The following CCNF variants were observed in gnomAD, a reference collection of about 807,000 sequenced individuals.
CCNF encodes cyclin-F.
A neutral mutation model predicts 85.4 loss-of-function variants in CCNF; 30 were observed. That is an observed-to-expected ratio of 0.35 (90% CI 0.26 to 0.48). CCNF has a LOEUF of 0.48. Among genes scored for constraint, CCNF ranks in the 20% least tolerant of loss-of-function variants. The probability of loss-of-function intolerance (pLI) is 0.99; values close to 1 mark genes in which losing one functional copy is unlikely to be tolerated. For synonymous variants in CCNF, 439 were observed against 425.1 expected (o/e 1.03, Z -0.40); for missense variants, 919 against 1,010.4 (o/e 0.91, Z 1.23).
At chr16:2,435,666 CATATAT>C (rs71148135) in intron 3 of CCNF, 134 bp from the exon 4 acceptor site, 536 of 42,658 alleles carry the variant, frequency 0.013, 11 homozygotes, top group Non-Finnish European at 0.016. Flanking sequence ...CACACACACA[CATATAT>C]ATATATATAT....
Position 2,453,960 on chromosome 16 carries a change from G to A in CCNF, c.1715+423G>A, listed in dbSNP as rs553253334. Among the ~76,000 whole-genome samples, 7 of 152,246 alleles carry A rather than the reference G, an allele frequency of 4.6e-5. No individual in the cohort carries two copies. Among genetic ancestry groups the A allele is most frequent in the Non-Finnish European group, 1.0e-4 (7 of 68,000 alleles). On this transcript the variant is annotated intron_variant, in intron 15 of 16. Coordinates refer to ENST00000397066, the MANE Select transcript of CCNF (RefSeq NM_001761.3). This position sits in a 1 kb window ranked among gnomAD's most constrained non-coding sequence, Gnocchi z 5.6. ...GCCACCCGTGTGGACCTGTTTACCC[G>A]CCTCTCCTATCTCAGCACCTTGGCT... is the stretch of plus-strand genomic sequence containing the variant.
At chr16:2,445,834 T>C (rs1328843039) in intron 10 of CCNF, among the ~76,000 whole-genome samples, 1 of 151,886 alleles carries the variant, frequency 6.6e-6, no homozygotes, top group East Asian at 1.9e-4. Flanking sequence ...TTCAAGTGAT[T>C]CTTCTGCCTC....
rs538024859 is a variant in CCNF at position 2,450,460 on chromosome 16, G to A, written c.1487+545G>A. 3.8e-4 allele frequency among the ~76,000 whole-genome samples: 57 copies of A among 150,952 alleles called. 1 individual carries two copies. Among genetic ancestry groups the A allele is most frequent in the African/African-American group, 1.0e-3 (42 of 41,058 alleles). The stretch of plus-strand genomic sequence containing the variant: ...CGGGAGGCAGAGGTTGCGGTGAGCC[G>A]AGATTGCGCCATTGCACTCCAGCCC... On this transcript the variant is annotated intron_variant, in intron 13 of 16. Transcript: ENST00000397066.
In CCNF at chr16:2,445,525, C is replaced by G. The variant is rs2065356956; in HGVS notation, c.997C>G (p.Leu333Val). The G allele has an allele frequency of 6.2e-7, 1 of 1,614,178 alleles. No homozygotes were observed. Among genetic ancestry groups the G allele is most frequent in the Non-Finnish European group, 8.5e-7 (1 of 1,180,030 alleles). The change falls in exon 10 of 17, where the codon CTG (leucine) becomes GTG (valine). Residue 333 changes from leucine (L) to valine (V), a missense_variant. Leu to Val is a conservative substitution (Grantham distance 32, BLOSUM62 1). Coordinates refer to ENST00000397066, the MANE Select transcript of CCNF (RefSeq NM_001761.3). The part of the protein sequence containing the change: ...MKDFTSLCLH[L>V]TVECVDRYLR... ...GGACTTCACAAGCCTGTGCCTGCACCTGACCGTGGAGTGTGTGGACCGGTA... is the reference window on the plus strand; with the variant it reads ...GGACTTCACAAGCCTGTGCCTGCACGTGACCGTGGAGTGTGTGGACCGGTA...
Position 2,458,701 on chromosome 16 carries a change from G to C in CCNF, c.*1681G>C, listed in dbSNP as rs955090460. On this transcript the variant is annotated 3_prime_UTR_variant, in exon 17 of 17. Transcript: ENST00000397066. The stretch of plus-strand genomic sequence containing the variant: ...TGGCCACCCTGGGTGGGGTGTGGTC[G>C]GGGTGAGAACCCAAGCGTTGGAACT... The C allele has an allele frequency of 6.6e-6, 1 of 152,396 alleles. No homozygotes were observed. Among genetic ancestry groups the C allele is most frequent in the South Asian group, 2.1e-4 (1 of 4,826 alleles). The allele number at this position is 152,396 out of a possible 1,614,324, so 9.4% of individuals were successfully genotyped here.
At chr16:2,439,260 T>G (rs2065308240) in intron 6 of CCNF, 93 bp from the exon 7 acceptor site, 2 of 1,065,810 alleles carry the variant, frequency 1.9e-6, no homozygotes, top group Non-Finnish European at 2.7e-6. Flanking sequence ...ATGGCGCCAT[T>G]GCACTCCAAC....
At chr16:2,446,184 A>C (rs1596925149) in intron 10 of CCNF, among the ~76,000 whole-genome samples, 1 of 151,962 alleles carries the variant, frequency 6.6e-6, no homozygotes. Context: ...TCATCCTGGC[A>C]TGCAGTCTCA....
In CCNF at chr16:2,456,631, G is replaced by C. The variant is rs1289185780; in HGVS notation, c.1972G>C (p.Ala658Pro). 1 of 1,611,418 alleles carries C rather than the reference G, an allele frequency of 6.2e-7. No homozygotes were observed. The highest frequency in any genetic ancestry group is 8.5e-7 in the Non-Finnish European group (1 of 1,179,028). The change falls in exon 17 of 17, where the codon GCT becomes CCT. Residue 658 changes from alanine (A) to proline (P), a missense_variant. By Grantham distance (27) the Ala-to-Pro change is conservative. This residue lies in a region of CCNF where 505 missense variants were observed against 514.8 expected (regional missense o/e 0.98). Transcript: ENST00000397066. This position sits in a 1 kb window ranked among gnomAD's most constrained non-coding sequence, Gnocchi z 4.5. ...HCCQESSDEE[A>P]CPEDKGPQDP... ...CTGCCAGGAATCCAGTGATGAGGAGGCTTGTCCAGAGGACAAGGGACCCCA... is the reference window on the plus strand; with the variant it reads ...CTGCCAGGAATCCAGTGATGAGGAGCCTTGTCCAGAGGACAAGGGACCCCA...
At chr16:2,437,922 A>AAT in intron 5 of CCNF, 148 bp from the exon 6 acceptor site, 2 of 570,654 alleles carry the variant, frequency 3.5e-6, no homozygotes, top group East Asian at 2.9e-5. Context: ...AAAAAAAAAA[A>AAT]GACTGAAATC....
Position 2,456,021 on chromosome 16 carries a change from C to T in CCNF, c.1885+457C>T, listed in dbSNP as rs1273845125. The stretch of plus-strand genomic sequence containing the variant: ...ACAAAAAATTTAAAAATTAGCTGGG[C>T]ATCGTGGCGTGCGCCTGTGGTCCCA... On this transcript the variant is annotated intron_variant, in intron 16 of 16. Coordinates refer to ENST00000397066, the MANE Select transcript of CCNF (RefSeq NM_001761.3). The surrounding 1 kb of genome is among the most constrained non-coding windows in gnomAD (Gnocchi z 4.5). Among the ~76,000 whole-genome samples, 1 of 152,172 alleles carries T rather than the reference C, an allele frequency of 6.6e-6. No individual in the cohort carries two copies. Among genetic ancestry groups the T allele is most frequent in the African/African-American group, 2.4e-5 (1 of 41,434 alleles).
In CCNF at chr16:2,453,885, A is replaced by C. The variant is rs2065409590; in HGVS notation, c.1715+348A>C. ...TTCTCTGCTCCATGATGCTGCTGTC[A>C]CTCCCGGCACTCGAGCTGTGACCTG... On this transcript the variant is annotated intron_variant, in intron 15 of 16. Transcript: ENST00000397066. This position sits in a 1 kb window ranked among gnomAD's most constrained non-coding sequence, Gnocchi z 5.6. 6.6e-6 allele frequency among the ~76,000 whole-genome samples: 1 copy of C among 151,126 alleles called. No homozygotes were observed. Among genetic ancestry groups the C allele is most frequent in the African/African-American group, 2.4e-5 (1 of 41,004 alleles).
rs36008785 is a variant in CCNF at position 2,448,948 on chromosome 16, G to T, written c.1188G>T (p.Glu396Asp). 1,061 of 1,614,128 alleles carry T rather than the reference G, an allele frequency of 6.6e-4. 4 individuals carry two copies. In the Middle Eastern group the frequency reaches 0.014, roughly 21 times the overall value. ...AGGACCTGGTGAGAATGATGGGCGAGATCGTCTCCGCCTTGGAAGGGAAGA... is the reference window on the plus strand; with the variant it reads ...AGGACCTGGTGAGAATGATGGGCGATATCGTCTCCGCCTTGGAAGGGAAGA... ...KYEDLVRMMG[E>D]IVSALEGKIR... Residue 396 changes from glutamate to aspartate, a missense_variant, in exon 11 of 17, where the codon GAG becomes GAT. Physicochemically the swap from Glu to Asp is conservative, Grantham distance 45. Around this residue, in one of 3 missense-constraint regions of CCNF, gnomAD observed 505 missense variants for 514.8 expected, o/e 0.98. Transcript: ENST00000397066.
chr16:2,436,212 C>T (rs2065290404), intron 4 of CCNF: 2 of 220,976 alleles, frequency 9.1e-6, no homozygotes, highest in Non-Finnish European at 1.8e-5. Context: ...TGGATGCTGG[C>T]CCTCTCCTTG....
Position 2,453,258 on chromosome 16 carries a change from C to G in CCNF, c.1536C>G (p.Ala512=). 1.2e-6 allele frequency: 2 copies of G among 1,613,922 alleles called. No homozygotes were observed. Among genetic ancestry groups the G allele is most frequent in the Non-Finnish European group, 1.7e-6 (2 of 1,180,018 alleles). Residue 512 remains alanine, a synonymous_variant, in exon 14 of 17, where the codon GCC becomes GCG. Coordinates refer to ENST00000397066, the MANE Select transcript of CCNF (RefSeq NM_001761.3). This position sits in a 1 kb window ranked among gnomAD's most constrained non-coding sequence, Gnocchi z 5.6. ...PKDYRQVSLT[A]VKQRFEDKRY... ...ACTACAGGCAAGTCTCTCTGACCGC[C>G]GTGAAGCAGCGGTTTGAGGACAAGC...
At position 2,453,661 on chromosome 16, in the gene CCNF, G is replaced by GGTC; in HGVS notation, c.1715+124_1715+125insGTC. 2 of 1,293,150 alleles carry GGTC rather than the reference G, an allele frequency of 1.5e-6. No homozygotes were observed. The highest frequency in any genetic ancestry group is 2.2e-6 in the Non-Finnish European group (2 of 923,078). The allele number at this position is 1,293,150 out of a possible 1,614,324, so 80.1% of individuals were successfully genotyped here. A position where few individuals can be genotyped will look rare whatever the true frequency, so the allele number is the denominator to read the frequency against. On this transcript the variant is annotated intron_variant, in intron 15 of 16. Transcript: ENST00000397066. The surrounding 1 kb of genome is among the most constrained non-coding windows in gnomAD (Gnocchi z 5.6). ...TTGTCAGGGGAGCAGCAGATCCCAG[G>GGTC]ACAGTGACCCTGGGACGGAGCCCTG...
intron 8 of CCNF, among the ~76,000 whole-genome samples, chr16:2,441,488 C>T (rs1232097941): frequency 1.3e-5 from 2 of 151,048 alleles, no homozygotes; most frequent in African/African-American, 2.4e-5. Context: ...GAAATAGGGC[C>T]GGGCGCAGTG....
At position 2,443,681 on chromosome 16, in the gene CCNF, C is replaced by A. The variant is rs764227871; in HGVS notation, c.810C>A (p.Asn270Lys). The stretch of plus-strand genomic sequence containing the variant: ...TAGCCAAAGCCTGTGCAAATGCAAA[C>A]CAGCTTGGACTGGAGGTGAGAGCTT... ...LSLAKACANANQLGLEVRASS... is the reference protein window; with the variant it reads ...LSLAKACANAKQLGLEVRASS... Residue 270 changes from asparagine (N) to lysine (K), a missense_variant, in exon 9 of 17, where the codon AAC becomes AAA. By Grantham distance (94) the Asn-to-Lys change is moderately conservative. Around this residue, in one of 3 missense-constraint regions of CCNF, gnomAD observed 410 missense variants for 478.6 expected, o/e 0.86. Transcript: ENST00000397066. The A allele has an allele frequency of 6.2e-7, 1 of 1,614,138 alleles. No individual in the cohort carries two copies. Among genetic ancestry groups the A allele is most frequent in the Non-Finnish European group, 8.5e-7 (1 of 1,179,996 alleles).
At chr16:2,442,382 TTA>T (rs1344039344) in intron 8 of CCNF, among the ~76,000 whole-genome samples, 1 of 112,674 alleles carries the variant, frequency 8.9e-6, no homozygotes, top group Non-Finnish European at 1.7e-5. Context: ...ATAATTATAT[TTA>T]GTCTGCCAGC....
At position 2,445,575 on chromosome 16, in the gene CCNF, G is replaced by A. The variant is rs144631476; in HGVS notation, c.1047G>A (p.Arg349=). 3.1e-6 allele frequency: 5 copies of A among 1,613,820 alleles called. No homozygotes were observed. Among genetic ancestry groups the A allele is most frequent in the Non-Finnish European group, 3.4e-6 (4 of 1,180,018 alleles). ...DRYLRRRLVP[R]YRLQLLGIAC... ...ACCTGCGGAGGAGGCTGGTGCCGCG[G>A]TACAGGCTCCAGCTGCTGGGCATCG... The change falls in exon 10 of 17, where the codon CGG becomes CGA. Residue 349 remains arginine, a synonymous_variant. Transcript: ENST00000397066.
Sources: allele counts gnomAD v4.1 joint callset (sites outside exome capture counted in the v4.1 genomes callset), GRCh38; gene constraint gnomAD v4.1.1; regional missense constraint gnomAD v4.1.1; non-coding constraint Gnocchi (gnomAD v3.1); transcripts MANE v1.5; gene names NCBI Gene and HGNC (gene_info 2026-07-23, HGNC 2026-07-21).